ADCY7: variants seen among roughly 807,000 people sequenced by gnomAD.
ADCY7 encodes the protein adenylate cyclase type 7.
ADCY7 carries 72 observed loss-of-function variants against 120.6 expected under a neutral mutation model. The ratio of observed to expected loss-of-function variants is 0.60; its 90% confidence interval spans 0.49 to 0.73. ADCY7 has a LOEUF of 0.73. ADCY7 is among the 30% of genes least tolerant of loss of function. The pLI is 0.00. For missense variants in ADCY7, 1,227 were observed against 1,486.0 expected, an observed-to-expected ratio of 0.83 and a Z score of 2.87; for synonymous variants, 661 against 628.0, an observed-to-expected ratio of 1.05 and a Z score of -0.78.
chr16:50,311,821 C>T, intron 20 of ADCY7, 35 bp downstream of exon 20: 1 of 1,317,944 alleles, frequency 7.6e-7, no homozygotes, highest in East Asian at 3.0e-5. Flanking sequence ...CCCCCAAGCT[C>T]TGCCCACTTT....
At chr16:50,258,610 TTG>T (rs1294108409) in intron 1 of ADCY7, among the ~76,000 whole-genome samples, 6 of 146,920 alleles carry the variant, frequency 4.1e-5, no homozygotes, top group African/African-American at 1.6e-4. Context: ...TTTTTTTTTT[TTG>T]AAACATGGTC....
chr16:50,280,030 C>T (rs1299706943), intron 1 of ADCY7, among the ~76,000 whole-genome samples: 1 of 152,104 alleles, frequency 6.6e-6, no homozygotes, highest in Non-Finnish European at 1.5e-5. Flanking sequence ...ACTAGCTCTT[C>T]TTCGTATATC....
chr16:50,312,261 T>TGTGGA, intron 21 of ADCY7, 70 bp downstream of exon 21: 1 of 1,564,610 alleles, frequency 6.4e-7, no homozygotes, highest in Non-Finnish European at 8.7e-7. Context: ...AGGGTGAAGG[T>TGTGGA]GTGGAGCTGG....
In ADCY7 at chr16:50,292,830, G is replaced by T. The variant is rs747454287; in HGVS notation, c.687+5G>T. On this transcript the variant is annotated splice_donor_5th_base_variant and intron_variant, in intron 5 of 25. Coordinates refer to ENST00000673801, the MANE Select transcript of ADCY7 (RefSeq NM_001114.5). The stretch of plus-strand genomic sequence containing the variant: ...CGCATCGAGAAGCGCCAGCAGGTGG[G>T]ACCCGGCCCCCACTCCTCACCCTGT... The T allele has an allele frequency of 6.2e-7, 1 of 1,612,668 alleles. No individual in the cohort carries two copies. Among genetic ancestry groups the T allele is most frequent in the Non-Finnish European group, 8.5e-7 (1 of 1,179,828 alleles).
At chr16:50,247,424 C>G (rs913129272) in intron 1 of ADCY7, among the ~76,000 whole-genome samples, 17 of 152,020 alleles carry the variant, frequency 1.1e-4, no homozygotes, top group African/African-American at 4.1e-4. Context: ...TGCAGTGGCA[C>G]AATCATGGCT....
rs1567566923 is a variant in ADCY7, at chr16:50,301,172, CAAG to C, written c.1327_1329del (p.Lys443del). On this transcript the variant is annotated inframe_deletion, in exon 10 of 26. Transcript: ENST00000673801. ...ACGGGCAGCAGCGGGACCCCTACCT[CAAG>C]GAGATGAACATCCGCACCTACCTGG... 5.0e-6 allele frequency: 8 copies of C among 1,611,628 alleles called. No individual in the cohort carries two copies. The highest frequency in any genetic ancestry group is 6.8e-6 in the Non-Finnish European group (8 of 1,178,890).
In ADCY7 at chr16:50,294,748, C is replaced by T; in HGVS notation, c.945C>T (p.Ala315=). The T allele has an allele frequency of 6.2e-7, 1 of 1,611,860 alleles. No individual in the cohort carries two copies. ...NELFGKFDQI[A]KANECMRIKI... ...TCTTTGGCAAGTTCGACCAGATCGC[C>T]AAGGTGAGCCCGCTGGCCTACAATG... is the stretch of plus-strand genomic sequence containing the variant. Residue 315 remains alanine (A), a synonymous_variant, in exon 7 of 26, where the codon GCC becomes GCT. Transcript: ENST00000673801.
chr16:50,307,894 G>T (rs2036175428), intron 15 of ADCY7, among the ~76,000 whole-genome samples: 1 of 151,572 alleles, frequency 6.6e-6, no homozygotes, highest in Admixed American at 6.6e-5. Flanking sequence ...TACTCGGGAG[G>T]CTGAGGCAGG....
chr16:50,304,312 C>A, intron 10 of ADCY7, 48 bp from the exon 11 acceptor site: 1 of 1,378,434 alleles, frequency 7.3e-7, no homozygotes, highest in Non-Finnish European at 9.4e-7. Context: ...CCTTCCTGGG[C>A]CGAGAGGGGA....
In ADCY7 at chr16:50,311,753, G is replaced by A; in HGVS notation, c.2415G>A (p.Leu805=). The A allele has an allele frequency of 6.5e-7, 1 of 1,529,532 alleles. No homozygotes were observed. Among genetic ancestry groups the A allele is most frequent in the Non-Finnish European group, 8.8e-7 (1 of 1,134,334 alleles). 94.7% of individuals were successfully genotyped at this position (1,529,532 alleles called of 1,614,324 possible). The change falls in exon 20 of 26, where the codon CTG becomes CTA. Residue 805 remains leucine, a synonymous_variant. Coordinates refer to ENST00000673801, the MANE Select transcript of ADCY7 (RefSeq NM_001114.5). ...CCATGACCAATTTCTACCTGGTCCT[G>A]TTCTACATCACCCTGCTTACACTCT... is the stretch of plus-strand genomic sequence containing the variant. The part of the protein sequence containing the change: ...LKTMTNFYLV[L]FYITLLTLSR...
chr16:50,304,272 T>C, intron 10 of ADCY7, 88 bp from the exon 11 acceptor site: 1 of 1,283,916 alleles, frequency 7.8e-7, no homozygotes, highest in Non-Finnish European at 1.0e-6. Context: ...GGCGTCACAC[T>C]TCAGGGAGAG....
Position 50,304,517 on chromosome 16 carries a change from G to A in ADCY7, c.1526G>A (p.Gly509Asp). The A allele has an allele frequency of 6.3e-7, 1 of 1,584,384 alleles. No homozygotes were observed. Among genetic ancestry groups the A allele is most frequent in the East Asian group, 2.2e-5 (1 of 44,470 alleles). ...AACCACCGTGAGAGCGTGAGCAGTG[G>A]TGAGACCCACGTCCCCAACGGGCGG... is the stretch of plus-strand genomic sequence containing the variant. ...HLNHRESVSS[G>D]ETHVPNGRRP... The change falls in exon 11 of 26, where the codon GGT becomes GAT. Residue 509 changes from glycine to aspartate, a missense_variant. Gly to Asp is a moderately conservative substitution (Grantham distance 94, BLOSUM62 -1). Around this residue, in one of 5 missense-constraint regions of ADCY7, gnomAD observed 332 missense variants for 455.8 expected, o/e 0.73. Transcript: ENST00000673801.
upstream of ADCY7, among the ~76,000 whole-genome samples, chr16:50,265,563 A>T (rs1391704873): frequency 6.6e-6 from 1 of 152,184 alleles, no homozygotes; most frequent in Non-Finnish European, 1.5e-5. Flanking sequence ...CTGCCCTCCC[A>T]TCTCTGCCCT....
intron 1 of ADCY7, 37 bp from the exon 2 acceptor site, chr16:50,287,867 GACTTGGAC>G: frequency 3.0e-6 from 1 of 331,494 alleles, no homozygotes. Flanking sequence ...GCCCTCCCCT[GACTTGGAC>G]CATTAGGTCA....
intron 15 of ADCY7, 97 bp downstream of exon 15, chr16:50,307,244 G>A (rs2036131255): frequency 8.2e-7 from 1 of 1,222,322 alleles, no homozygotes; most frequent in Admixed American, 2.0e-5. Context: ...TGGGCTGGAA[G>A]GGGTCGGCTG....
intron 10 of ADCY7, 116 bp downstream of exon 10, chr16:50,301,330 C>A (rs1453760440): frequency 6.5e-6 from 9 of 1,381,764 alleles, no homozygotes; most frequent in Non-Finnish European, 8.7e-6. Flanking sequence ...TGGGGAAGGG[C>A]CCTGCCTGGG....
At chr16:50,295,157 G>A (rs1296676543) in intron 7 of ADCY7, among the ~76,000 whole-genome samples, 2 of 152,038 alleles carry the variant, frequency 1.3e-5, no homozygotes, top group African/African-American at 4.8e-5. Flanking sequence ...GGTGAATCAT[G>A]TGCACATTAA....
intron 14 of ADCY7, among the ~76,000 whole-genome samples, chr16:50,306,574 G>A (rs1341793565): frequency 7.3e-6 from 1 of 136,948 alleles, no homozygotes; most frequent in Non-Finnish European, 1.6e-5. Context: ...GGGTGGGAGT[G>A]GGGGTGGGGG....
At chr16:50,247,049 TTGAATGAA>T (rs112588197) in intron 1 of ADCY7, among the ~76,000 whole-genome samples, 20 of 152,040 alleles carry the variant, frequency 1.3e-4, no homozygotes, top group East Asian at 3.9e-4. Context: ...GCTCCAGAGA[TTGAATGAA>T]TGAATGAATG....
Sources: allele counts gnomAD v4.1 joint callset (sites outside exome capture counted in the v4.1 genomes callset), GRCh38; gene constraint gnomAD v4.1.1; regional missense constraint gnomAD v4.1.1; transcripts MANE v1.5; gene names NCBI Gene and HGNC (gene_info 2026-07-23, HGNC 2026-07-21).